SUSD6: variants seen among roughly 807,000 people sequenced by gnomAD.
SUSD6 encodes the protein sushi domain containing 6.
In SUSD6, 16 loss-of-function variants were observed where a neutral mutation model predicts 28.4. That is an observed-to-expected ratio of 0.56 (90% CI 0.38 to 0.86). The LOEUF (loss-of-function observed/expected upper bound fraction) is 0.86. Among genes scored for constraint, SUSD6 ranks in the 40% least tolerant of loss-of-function variants. The pLI, the probability that SUSD6 is intolerant of heterozygous loss-of-function variation, is 0.00. For synonymous variants in SUSD6, 147 were observed against 159.6 expected, an observed-to-expected ratio of 0.92 and a Z score of 0.59; for missense variants, 341 against 384.2, an observed-to-expected ratio of 0.89 and a Z score of 0.94.
intron 1 of SUSD6, among the ~76,000 whole-genome samples, chr14:69,643,765 G>C (rs1885386536): frequency 6.6e-6 from 1 of 152,164 alleles, no homozygotes; most frequent in African/African-American, 2.4e-5. Context: ...AAAAATGTGT[G>C]ACTCATTGAC....
chr14:69,661,768 A>G (rs1024933075), intron 2 of SUSD6, among the ~76,000 whole-genome samples: 4 of 152,128 alleles, frequency 2.6e-5, no homozygotes, highest in Non-Finnish European at 5.9e-5. Flanking sequence ...TTAATTCAGG[A>G]AAAGCCTCTT....
At chr14:69,637,273 A>G (rs1885278499) in intron 1 of SUSD6, among the ~76,000 whole-genome samples, 1 of 152,000 alleles carries the variant, frequency 6.6e-6, no homozygotes, top group Non-Finnish European at 1.5e-5. Flanking sequence ...TGGTGCTGGC[A>G]TTACACCCTG....
chr14:69,666,435 G>A (rs771581304), intron 2 of SUSD6, among the ~76,000 whole-genome samples: 1 of 152,328 alleles, frequency 6.6e-6, no homozygotes, highest in Middle Eastern at 3.4e-3. Context: ...GAATGCCAAG[G>A]ATCTGTTCTT....
intron 1 of SUSD6, among the ~76,000 whole-genome samples, chr14:69,655,524 G>C (rs978180244): frequency 1.3e-5 from 2 of 152,148 alleles, no homozygotes; most frequent in African/African-American, 2.4e-5. Flanking sequence ...TAGCCAGGCA[G>C]AGTGGCTCAT....
At chr14:69,639,273 A>G (rs1405511919) in intron 1 of SUSD6, among the ~76,000 whole-genome samples, 1 of 127,390 alleles carries the variant, frequency 7.8e-6, no homozygotes, top group Non-Finnish European at 1.6e-5. Flanking sequence ...GCTTGCAGTG[A>G]GCCGGGATCC....
intron 2 of SUSD6, among the ~76,000 whole-genome samples, chr14:69,694,395 A>G (rs1886193677): frequency 6.6e-6 from 1 of 152,234 alleles, no homozygotes; most frequent in Non-Finnish European, 1.5e-5. Flanking sequence ...AGATCTCCCC[A>G]GGACTACCCA....
chr14:69,650,820 G>C (rs1392424871), intron 1 of SUSD6, among the ~76,000 whole-genome samples: 1 of 152,130 alleles, frequency 6.6e-6, no homozygotes, highest in Non-Finnish European at 1.5e-5. Context: ...ACTGTGTACG[G>C]ATAGTCCATA....
intron 2 of SUSD6, among the ~76,000 whole-genome samples, chr14:69,700,130 G>A (rs1383823904): frequency 6.6e-6 from 1 of 152,154 alleles, no homozygotes; most frequent in East Asian, 1.9e-4. Flanking sequence ...CACAGCTGCT[G>A]GCATTCACCT....
intron 1 of SUSD6, chr14:69,617,210 C>T (rs2139588580): frequency 6.6e-6 from 1 of 152,270 alleles, no homozygotes; most frequent in East Asian, 1.9e-4. Flanking sequence ...TGGGTTGTTT[C>T]TGTTTTTTGG....
At chr14:69,678,319 A>G (rs1036619769) in intron 2 of SUSD6, among the ~76,000 whole-genome samples, 7 of 149,138 alleles carry the variant, frequency 4.7e-5, no homozygotes, top group South Asian at 2.1e-4. Flanking sequence ...ATATTGTAAC[A>G]TAATTTATAA....
intron 2 of SUSD6, among the ~76,000 whole-genome samples, chr14:69,683,679 G>A (rs1029118353): frequency 6.6e-6 from 1 of 152,228 alleles, no homozygotes; most frequent in African/African-American, 2.4e-5. Flanking sequence ...AAGCCAAAGT[G>A]TGGAGACATG....
chr14:69,649,822 A>G (rs1270655999), intron 1 of SUSD6, among the ~76,000 whole-genome samples: 2 of 152,188 alleles, frequency 1.3e-5, no homozygotes, highest in African/African-American at 2.4e-5. Flanking sequence ...TAAGATGGGA[A>G]CTAAGCTTGA....
In SUSD6 at chr14:69,697,829, G is replaced by A. The variant is rs753341312; in HGVS notation, c.122-5566G>A. Among the ~76,000 whole-genome samples, 7 of 152,208 alleles carry A rather than the reference G, an allele frequency of 4.6e-5. No individual in the cohort carries two copies. In the South Asian group the frequency reaches 1.4e-3, roughly 31 times the overall value. ...AGAAAAGCTCATATTTGAGCAGCTT[G>A]TGTCACATTTAACACTTACTTCATT... On this transcript the variant is annotated intron_variant, in intron 2 of 5. Transcript: ENST00000342745.
At chr14:69,665,033 C>G (rs1885718504) in intron 2 of SUSD6, among the ~76,000 whole-genome samples, 1 of 152,108 alleles carries the variant, frequency 6.6e-6, no homozygotes, top group East Asian at 1.9e-4. Context: ...GCTGCCTGGA[C>G]TGGGATCAGA....
At chr14:69,657,189 T>C (rs12147464) in intron 1 of SUSD6, among the ~76,000 whole-genome samples, 33,644 of 152,064 alleles carry the variant, frequency 0.22, 4,070 homozygotes, top group South Asian at 0.31. Context: ...GGTGCAGTGG[T>C]TCACGCCTGT....
At position 69,700,006 on chromosome 14, in the gene SUSD6, A is replaced by G. The variant is rs61638809; in HGVS notation, c.122-3389A>G. On this transcript the variant is annotated intron_variant, in intron 2 of 5. Transcript: ENST00000342745. Reference sequence around the variant, plus strand: ...CTTTTATTATGCAGATGGGTTCTCTACCTGGTGGGCACCATGTTGCCTGGT... The same window carrying G: ...CTTTTATTATGCAGATGGGTTCTCTGCCTGGTGGGCACCATGTTGCCTGGT... Among the ~76,000 whole-genome samples the G allele has an allele frequency of 1.3e-3, 199 of 152,288 alleles. 1 individual carries two copies. The highest frequency in any genetic ancestry group is 4.6e-3 in the African/African-American group (191 of 41,552).
chr14:69,619,035 G>T (rs1424818122), intron 1 of SUSD6, among the ~76,000 whole-genome samples: 2 of 152,172 alleles, frequency 1.3e-5, no homozygotes, highest in Non-Finnish European at 2.9e-5. Flanking sequence ...GAGCTGACTT[G>T]CCTGAGAGGT....
rs138345035 is a variant in SUSD6 at position 69,643,885 on chromosome 14, G to A, written c.-80-14628G>A. Among the ~76,000 whole-genome samples the A allele has an allele frequency of 3.0e-4, 45 of 152,348 alleles. 1 individual carries two copies. Among genetic ancestry groups the A allele is most frequent in the African/African-American group, 9.9e-4 (41 of 41,586 alleles). On this transcript the variant is annotated intron_variant, in intron 1 of 5. Transcript: ENST00000342745. ...GGCCCTGTGAGAAGCTAGAGGTAGA[G>A]TCAGGATTTGAATTCCCTTTTGTGT...
rs574506442 is a variant in SUSD6 at position 69,649,716 on chromosome 14, A to G, written c.-80-8797A>G. Among the ~76,000 whole-genome samples the G allele has an allele frequency of 5.3e-5, 8 of 152,318 alleles. No homozygotes were observed. The South Asian group carries it at 1.0e-3, about 20-fold the overall frequency. ...CTGTGAGTGGCCTTCGGGGAGGGAT[A>G]TGATTGACTGTCCTATTCCTGGTCC... On this transcript the variant is annotated intron_variant, in intron 1 of 5. Coordinates refer to ENST00000342745, the MANE Select transcript of SUSD6 (RefSeq NM_014734.4).
Sources: allele counts gnomAD v4.1 joint callset (sites outside exome capture counted in the v4.1 genomes callset), GRCh38; gene constraint gnomAD v4.1.1; transcripts MANE v1.5; gene names NCBI Gene and HGNC (gene_info 2026-07-23, HGNC 2026-07-21).